The following KLHDC4 variants were observed in gnomAD, a reference collection of about 807,000 sequenced individuals.
KLHDC4 encodes kelch domain-containing protein 4.
In KLHDC4, 90 loss-of-function variants were observed where a neutral mutation model predicts 62.4. The ratio of observed to expected loss-of-function variants is 1.44; its 90% CI spans 1.22 to 1.72. The LOEUF (loss-of-function observed/expected upper bound fraction) is 1.72, where lower values mean the gene tolerates loss of function less well. Ranked by LOEUF, KLHDC4 falls within the 40% of genes most tolerant of loss-of-function variation. The probability of loss-of-function intolerance (pLI) is 0.00; values close to 1 mark genes in which losing one functional copy is unlikely to be tolerated. For missense variants in KLHDC4, 1,025 were observed against 699.7 expected (o/e 1.47, Z -5.25); for synonymous variants, 386 against 284.4 (o/e 1.36, Z -3.59).
intron 5 of KLHDC4, among the ~76,000 whole-genome samples, chr16:87,746,474 G>A (rs1311402185): frequency 6.6e-6 from 1 of 152,186 alleles, no homozygotes; most frequent in Non-Finnish European, 1.5e-5. Flanking sequence ...AACAGGCTGT[G>A]TCTCCTTATC....
exon 1 of KLHDC4, chr16:87,699,399 A>C (rs887039920): frequency 6.6e-6 from 1 of 152,294 alleles, no homozygotes; most frequent in Non-Finnish European, 1.5e-5. Flanking sequence ...GGTGATGTAG[A>C]AAAGCAGGGC....
At position 87,748,716 on chromosome 16, in the gene KLHDC4, G is replaced by C. The variant is rs3751727; in HGVS notation, c.463C>G (p.Leu155Val). The C allele has an allele frequency of 0.03, 48,260 of 1,613,518 alleles. 834 individuals carry two copies. Among genetic ancestry groups the C allele is most frequent in the East Asian group, 0.059 (2,642 of 44,832 alleles). Residue 155 changes from leucine to valine, a missense_variant, in exon 5 of 12, where the codon CTC becomes GTC. By Grantham distance (32) the Leu-to-Val change is conservative. Coordinates refer to ENST00000270583, the MANE Select transcript of KLHDC4 (RefSeq NM_017566.4). ...NGEQFYHYKD[L>V]WVLHLATKTW... Reference sequence around the variant, plus strand: ...TTGGTGGCCAAATGCAGGACCCAGAGATCCTTGTAGTGGTAGAACTGCTCT... The same window carrying C: ...TTGGTGGCCAAATGCAGGACCCAGACATCCTTGTAGTGGTAGAACTGCTCT...
In KLHDC4 at chr16:87,714,703, C is replaced by T. The variant is rs142425470; in HGVS notation, c.760-130G>A. On this transcript the variant is annotated intron_variant, in intron 7 of 11. Coordinates refer to ENST00000270583, the MANE Select transcript of KLHDC4 (RefSeq NM_017566.4). ...TCCCTGTAGACCAGCCCCAAAGCTC[C>T]AAAGCGTGCCTGCAGTGTGCTCAGG... 1,198 of 931,638 alleles carry T rather than the reference C, an allele frequency of 1.3e-3. 8 individuals are homozygous for T. The African/African-American group carries it at 0.017, about 13-fold the overall frequency. 57.7% of individuals were successfully genotyped at this position (931,638 alleles called of 1,614,324 possible).
rs185939507 is a variant in KLHDC4, at chr16:87,708,408, G to A, written c.1506C>T (p.Gly502=). The part of the protein sequence containing the change: ...DSEEDSEEVE[G]AEGGVDDEDS... ...CTTCGTCGTCGACCCCACCCTCGGC[G>A]CCCTCAACCTCCTCACTGTCCTCTT... Residue 502 remains glycine, a synonymous_variant, in exon 11 of 12, where the codon GGC becomes GGT. Transcript: ENST00000270583. The A allele has an allele frequency of 1.7e-5, 28 of 1,611,694 alleles. No individual in the cohort carries two copies. Among genetic ancestry groups the A allele is most frequent in the South Asian group, 7.7e-5 (7 of 90,998 alleles).
chr16:87,741,572 G>A (rs950929732), intron 5 of KLHDC4, among the ~76,000 whole-genome samples: 2 of 152,216 alleles, frequency 1.3e-5, no homozygotes, highest in African/African-American at 2.4e-5. Context: ...CCCACCAGCG[G>A]TGGAAAAACT....
At chr16:87,707,282 G>A (rs922469180), downstream of KLHDC4, among the ~76,000 whole-genome samples, 6 of 152,230 alleles carry the variant, frequency 3.9e-5, no homozygotes, top group Non-Finnish European at 8.8e-5. Context: ...GCAGCCATGT[G>A]GGGACGTTGG....
At chr16:87,705,210 G>A (rs1026897339), downstream of KLHDC4, among the ~76,000 whole-genome samples, 1 of 152,210 alleles carries the variant, frequency 6.6e-6, no homozygotes, top group African/African-American at 2.4e-5. Context: ...GGAGACAGAG[G>A]CCCTGGGCTT....
At chr16:87,758,659 C>T (rs1015084005) in intron 2 of KLHDC4, among the ~76,000 whole-genome samples, 1 of 152,102 alleles carries the variant, frequency 6.6e-6, no homozygotes, top group Non-Finnish European at 1.5e-5. Flanking sequence ...TACACTAACA[C>T]TAACAATAGC....
At chr16:87,715,505 C>T (rs147605565) in intron 7 of KLHDC4, among the ~76,000 whole-genome samples, 180 of 152,260 alleles carry the variant, frequency 1.2e-3, no homozygotes, top group Middle Eastern at 3.4e-3. Flanking sequence ...TCCCACTGGC[C>T]GTTTCGTCCT....
intron 4 of KLHDC4, among the ~76,000 whole-genome samples, chr16:87,751,136 A>G (rs2043861427): frequency 6.6e-6 from 1 of 152,242 alleles, no homozygotes; most frequent in Non-Finnish European, 1.5e-5. Context: ...ACACTATAGA[A>G]AGAACACATA....
chr16:87,754,896 G>A (rs1314222550), intron 4 of KLHDC4, among the ~76,000 whole-genome samples: 1 of 152,112 alleles, frequency 6.6e-6, no homozygotes, highest in Non-Finnish European at 1.5e-5. Context: ...AGTCCAGACC[G>A]TGGGCCTAGG....
At chr16:87,748,899 C>A in intron 4 of KLHDC4, 90 bp from the exon 5 acceptor site, 2 of 1,472,910 alleles carry the variant, frequency 1.4e-6, no homozygotes, top group East Asian at 2.4e-5. Context: ...CGCTTCAGTA[C>A]TATCTCGGAT....
At chr16:87,754,265 C>T (rs1488375370) in intron 4 of KLHDC4, among the ~76,000 whole-genome samples, 1 of 151,976 alleles carries the variant, frequency 6.6e-6, no homozygotes, top group African/African-American at 2.4e-5. Context: ...AGAATCACTT[C>T]AACCTGGGGG....
chr16:87,765,009 C>T (rs924538427), intron 1 of KLHDC4: 7 of 414,260 alleles, frequency 1.7e-5, no homozygotes, highest in African/African-American at 1.4e-4. Context: ...CATACCACTT[C>T]ATGGTTCACC....
intron 6 of KLHDC4, among the ~76,000 whole-genome samples, chr16:87,729,865 G>T (rs1289113289): frequency 6.6e-6 from 1 of 152,216 alleles, no homozygotes; most frequent in Non-Finnish European, 1.5e-5. Context: ...CTCACTCCAG[G>T]CCTCTGACTC....
chr16:87,699,504 A>T (rs2034041598), exon 1 of KLHDC4: 1 of 151,930 alleles, frequency 6.6e-6, no homozygotes, highest in African/African-American at 2.4e-5. Flanking sequence ...GGCCAGCCTG[A>T]CCAACATAGT....
At chr16:87,715,503 G>A (rs867700840) in intron 7 of KLHDC4, among the ~76,000 whole-genome samples, 8 of 152,250 alleles carry the variant, frequency 5.3e-5, no homozygotes, top group South Asian at 4.2e-4. Flanking sequence ...GGTCCCACTG[G>A]CCGTTTCGTC....
chr16:87,760,389 C>T (rs112775013), intron 2 of KLHDC4, among the ~76,000 whole-genome samples: 2,536 of 151,312 alleles, frequency 0.017, 74 homozygotes, highest in African/African-American at 0.056. Flanking sequence ...GGGCGGATCA[C>T]GAGGTCAGAA....
intron 5 of KLHDC4, among the ~76,000 whole-genome samples, chr16:87,734,128 C>T (rs557015235): frequency 7.9e-5 from 12 of 152,282 alleles, no homozygotes; most frequent in East Asian, 7.7e-4. Flanking sequence ...GGGCGGATCA[C>T]GAGGTCAGGA....
Sources: allele counts gnomAD v4.1 joint callset (sites outside exome capture counted in the v4.1 genomes callset), GRCh38; gene constraint gnomAD v4.1.1; transcripts MANE v1.5; gene names NCBI Gene and HGNC (gene_info 2026-07-23, HGNC 2026-07-21).